Variants in LMCD1 observed in about 807,000 individuals in gnomAD.
LMCD1 encodes the protein LIM and cysteine-rich domains protein 1.
Under a neutral mutation model 42.7 loss-of-function variants are expected in LMCD1, and 32 were observed. That is an observed-to-expected ratio of 0.75 (90% confidence interval 0.57 to 1.01). The LOEUF (loss-of-function observed/expected upper bound fraction) is 1.01. Ranked by LOEUF, LMCD1 falls within the 50% of genes least tolerant of loss-of-function variation. The pLI is 0.00. For synonymous variants in LMCD1, 178 were observed against 184.9 expected (o/e 0.96, Z 0.30); for missense variants, 458 against 483.1 (o/e 0.95, Z 0.49).
intron 1 of LMCD1, among the ~76,000 whole-genome samples, chr3:8,520,456 G>C (rs965676807): frequency 6.6e-6 from 1 of 152,156 alleles, no homozygotes; most frequent in Non-Finnish European, 1.5e-5. Flanking sequence ...CACTAGGCCT[G>C]GGGACACCAA....
chr3:8,502,207 C>A (rs1574940211), intron 1 of LMCD1, among the ~76,000 whole-genome samples: 1 of 126,000 alleles, frequency 7.9e-6, no homozygotes, highest in African/African-American at 3.0e-5. Flanking sequence ...TTTGGTGATG[C>A]TAGTTAAAGT....
chr3:8,565,390 C>T (rs1178375302), intron 4 of LMCD1, 42 bp from the exon 5 acceptor site: 8 of 1,568,038 alleles, frequency 5.1e-6, no homozygotes, highest in Admixed American at 3.3e-5. Flanking sequence ...ACTGTGCTCT[C>T]CTGACTTCCT....
At chr3:8,503,450 CT>C (rs1248337600) in intron 1 of LMCD1, among the ~76,000 whole-genome samples, 2 of 152,222 alleles carry the variant, frequency 1.3e-5, no homozygotes, top group Non-Finnish European at 2.9e-5. Context: ...GTCATTTCCC[CT>C]CCTACAGAAA....
chr3:8,514,828 A>G (rs1694068644), intron 1 of LMCD1: 2 of 409,752 alleles, frequency 4.9e-6, no homozygotes, highest in Non-Finnish European at 9.9e-6. Flanking sequence ...TAGAAATCAG[A>G]ATAGCAACCA....
chr3:8,531,887 C>T (rs989291676), intron 1 of LMCD1, among the ~76,000 whole-genome samples: 12 of 152,288 alleles, frequency 7.9e-5, no homozygotes, highest in East Asian at 1.9e-4. Flanking sequence ...TGTACCAAGT[C>T]GTCCCCACCC....
chr3:8,546,717 G>A (rs1694741190), intron 3 of LMCD1, among the ~76,000 whole-genome samples: 1 of 152,198 alleles, frequency 6.6e-6, no homozygotes, highest in Non-Finnish European at 1.5e-5. Flanking sequence ...GAACAGGAAA[G>A]AAGAGAGAGG....
intron 1 of LMCD1, among the ~76,000 whole-genome samples, chr3:8,522,776 A>G (rs1351305503): frequency 6.6e-6 from 1 of 152,224 alleles, no homozygotes; most frequent in Non-Finnish European, 1.5e-5. Flanking sequence ...GAGAGGAAAG[A>G]AAAAAAGGAA....
At position 8,537,158 on chromosome 3, in the gene LMCD1, C is replaced by T. The variant is rs568382830; in HGVS notation, c.132-27C>T. 36 of 1,609,072 alleles carry T rather than the reference C, an allele frequency of 2.2e-5. 1 individual carries two copies. The South Asian group carries it at 3.5e-4, about 16-fold the overall frequency. ...GCCTCTTTTTCCTGGAGGTTAATCTCACTGGTCCCCATCCACCCACCCCCA... is the reference window on the plus strand; with the variant it reads ...GCCTCTTTTTCCTGGAGGTTAATCTTACTGGTCCCCATCCACCCACCCCCA... On this transcript the variant is annotated intron_variant, in intron 2 of 5. Coordinates refer to ENST00000157600, the MANE Select transcript of LMCD1 (RefSeq NM_014583.4).
chr3:8,549,996 C>CCA, intron 4 of LMCD1: 2 of 1,483,800 alleles, frequency 1.3e-6, no homozygotes, highest in Non-Finnish European at 1.8e-6. Context: ...CTCAATACTG[C>CCA]CATGCAGAGG....
intron 4 of LMCD1, among the ~76,000 whole-genome samples, chr3:8,558,964 A>T (rs1694976879): frequency 6.6e-6 from 1 of 151,994 alleles, no homozygotes; most frequent in South Asian, 2.1e-4. Context: ...GGGGGAGCAG[A>T]GATATGTTTT....
At chr3:8,509,604 T>C (rs1693955152) in intron 1 of LMCD1, among the ~76,000 whole-genome samples, 1 of 152,210 alleles carries the variant, frequency 6.6e-6, no homozygotes, top group Non-Finnish European at 1.5e-5. Flanking sequence ...TAGAATTTAT[T>C]TTTCATAAGG....
chr3:8,551,541 C>A (rs1694836886), intron 4 of LMCD1, among the ~76,000 whole-genome samples: 1 of 152,182 alleles, frequency 6.6e-6, no homozygotes, highest in African/African-American at 2.4e-5. Context: ...GATCCAATAC[C>A]CTTTCTGTGA....
chr3:8,553,217 C>T (rs903751586), intron 4 of LMCD1, among the ~76,000 whole-genome samples: 1 of 152,144 alleles, frequency 6.6e-6, no homozygotes, highest in African/African-American at 2.4e-5. Flanking sequence ...CCCCGACACA[C>T]ACACCAGCTG....
At chr3:8,553,132 T>C (rs1694869953) in intron 4 of LMCD1, among the ~76,000 whole-genome samples, 1 of 152,172 alleles carries the variant, frequency 6.6e-6, no homozygotes, top group Admixed American at 6.5e-5. Context: ...GTAACCTACC[T>C]TGACGGCCCC....
intron 4 of LMCD1, among the ~76,000 whole-genome samples, chr3:8,561,489 T>C (rs1695034954): frequency 1.3e-5 from 2 of 152,106 alleles, no homozygotes; most frequent in South Asian, 2.1e-4. Context: ...TAAAATCCAG[T>C]CTTCATTCTC....
intron 1 of LMCD1, among the ~76,000 whole-genome samples, chr3:8,506,847 C>T (rs952996758): frequency 6.6e-6 from 1 of 152,158 alleles, no homozygotes; most frequent in Admixed American, 6.5e-5. Context: ...GGATGAGAAC[C>T]AGGGTTCCTT....
At chr3:8,532,320 C>T (rs138353377) in intron 1 of LMCD1, among the ~76,000 whole-genome samples, 1 of 152,296 alleles carries the variant, frequency 6.6e-6, no homozygotes, top group East Asian at 1.9e-4. Context: ...TTTAATCACA[C>T]TCTATCAATA....
At chr3:8,516,961 G>A (rs1694112741) in intron 1 of LMCD1, among the ~76,000 whole-genome samples, 1 of 152,216 alleles carries the variant, frequency 6.6e-6, no homozygotes, top group South Asian at 2.1e-4. Context: ...GCACAGGCCA[G>A]GTGCCAGGCA....
intron 1 of LMCD1, among the ~76,000 whole-genome samples, chr3:8,509,143 A>C (rs914773229): frequency 2.0e-5 from 3 of 152,210 alleles, no homozygotes; most frequent in Non-Finnish European, 4.4e-5. Context: ...ACCCTTGATA[A>C]ACATTTCCTC....
Sources: allele counts gnomAD v4.1 joint callset (sites outside exome capture counted in the v4.1 genomes callset), GRCh38; gene constraint gnomAD v4.1.1; transcripts MANE v1.5; gene names NCBI Gene and HGNC (gene_info 2026-07-23, HGNC 2026-07-21).